The following KDM5A variants were observed in gnomAD, a reference collection of about 807,000 sequenced individuals.
KDM5A encodes the protein lysine-specific demethylase 5A.
In KDM5A, 42 loss-of-function variants were observed where a neutral mutation model predicts 193.5. That is an observed-to-expected ratio of 0.22 (90% CI 0.17 to 0.28). The LOEUF (loss-of-function observed/expected upper bound fraction) is 0.28, where lower values mean the gene tolerates loss of function less well. Ranked by LOEUF, KDM5A falls within the 10% of genes least tolerant of loss-of-function variation. The pLI, the probability that KDM5A is intolerant of heterozygous loss-of-function variation, is 1.00. For missense variants in KDM5A, 1,692 were observed against 2,055.1 expected (o/e 0.82, Z 3.42); for synonymous variants, 796 against 718.1 (o/e 1.11, Z -1.73).
rs769621706 is a variant in KDM5A, at chr12:295,632, A to G, written c.4396T>C (p.Trp1466Arg). The change falls in exon 26 of 28, where the codon TGG (tryptophan) becomes CGG (arginine). Residue 1466 changes from tryptophan (W) to arginine (R), a missense_variant. Physicochemically the swap from Trp to Arg is moderately radical, Grantham distance 101. This residue lies in a region of KDM5A where 965 missense variants were observed against 1,061.0 expected (regional missense o/e 0.91). Coordinates refer to ENST00000399788, the MANE Select transcript of KDM5A (RefSeq NM_001042603.3). ...GGGTGTGTGGCCTGCAAAATCCGCCATATGTGTTGAGTCTCGTCCAGAGAT... is the reference window on the plus strand; with the variant it reads ...GGGTGTGTGGCCTGCAAAATCCGCCGTATGTGTTGAGTCTCGTCCAGAGAT... ...EVSLDETQHIWRILQATHPPS... is the reference protein window; with the variant it reads ...EVSLDETQHIRRILQATHPPS... 26 of 1,614,142 alleles carry G rather than the reference A, an allele frequency of 1.6e-5. No individual in the cohort carries two copies. Among genetic ancestry groups the G allele is most frequent in the South Asian group, 2.2e-5 (2 of 91,082 alleles).
intron 5 of KDM5A, among the ~76,000 whole-genome samples, chr12:360,886 G>C (rs766777247): frequency 2.6e-5 from 4 of 152,198 alleles, no homozygotes; most frequent in Non-Finnish European, 2.9e-5. Context: ...AAAGATGCCA[G>C]AAGGGATGGA....
chr12:286,023 G>A (rs1943216394), intron 27 of KDM5A: 2 of 412,602 alleles, frequency 4.8e-6, no homozygotes, highest in Non-Finnish European at 9.3e-6. Context: ...CTAAGACAAT[G>A]CAATTATCAA....
chr12:359,433 G>A (rs1425483559), intron 5 of KDM5A, among the ~76,000 whole-genome samples: 1 of 152,144 alleles, frequency 6.6e-6, no homozygotes, highest in Non-Finnish European at 1.5e-5. Context: ...AAGAAATCAA[G>A]GAGTTTGATT....
intron 20 of KDM5A, among the ~76,000 whole-genome samples, chr12:312,627 T>C (rs1369389840): frequency 6.6e-6 from 1 of 152,240 alleles, no homozygotes; most frequent in Non-Finnish European, 1.5e-5. Flanking sequence ...AATTATTTTA[T>C]AGATGCTCCT....
At chr12:372,810 G>A (rs1944447312) in intron 3 of KDM5A, among the ~76,000 whole-genome samples, 1 of 152,154 alleles carries the variant, frequency 6.6e-6, no homozygotes, top group Non-Finnish European at 1.5e-5. Context: ...AAGCATTGTT[G>A]AATTTTGTCA....
intron 15 of KDM5A, 140 bp from the exon 16 acceptor site, chr12:323,346 C>T: frequency 1.8e-6 from 2 of 1,103,596 alleles, no homozygotes; most frequent in Non-Finnish European, 2.6e-6. Flanking sequence ...GATCTTAGTT[C>T]ACATAAAGAG....
intron 22 of KDM5A, among the ~76,000 whole-genome samples, chr12:309,285 C>T (rs898001830): frequency 2.0e-5 from 3 of 152,138 alleles, no homozygotes; most frequent in Admixed American, 6.5e-5. Flanking sequence ...ATAATTATTT[C>T]GTTTTTATTA....
intron 10 of KDM5A, among the ~76,000 whole-genome samples, 179 bp from the exon 11 acceptor site, chr12:334,601 TTC>T (rs1173072858): frequency 6.6e-5 from 10 of 152,196 alleles, no homozygotes; most frequent in Non-Finnish European, 1.3e-4. Flanking sequence ...TAATCCTACC[TTC>T]TGTCTATGTT....
rs772058165 is a variant in KDM5A, at chr12:331,809, T to C, written c.1773+10A>G. On this transcript the variant is annotated intron_variant, in intron 13 of 27. Coordinates refer to ENST00000399788, the MANE Select transcript of KDM5A (RefSeq NM_001042603.3). The stretch of plus-strand genomic sequence containing the variant: ...GTAGACGTACAACAGCCACTTGCTA[T>C]AGAACAGACCCAGTCAGCAGTACAG... 3 of 1,613,890 alleles carry C rather than the reference T, an allele frequency of 1.9e-6. No individual in the cohort carries two copies. Among genetic ancestry groups the C allele is most frequent in the South Asian group, 1.1e-5 (1 of 91,082 alleles).
chr12:352,337 A>T lies in KDM5A; in HGVS notation c.1030-13T>A, dbSNP rs1176385001. On this transcript the variant is annotated splice_polypyrimidine_tract_variant and intron_variant, in intron 8 of 27. Coordinates refer to ENST00000399788, the MANE Select transcript of KDM5A (RefSeq NM_001042603.3). ...GTTTGCTACATTCCTGGAAAGAAAA[A>T]ATATGTAAGATTAACTTACTGAAAC... is the stretch of plus-strand genomic sequence containing the variant. 1 of 1,611,754 alleles carries T rather than the reference A, an allele frequency of 6.2e-7. No homozygotes were observed.
intron 1 of KDM5A, chr12:388,238 A>G (rs1289446747): frequency 2.2e-6 from 1 of 455,038 alleles, no homozygotes; most frequent in South Asian, 1.6e-5. Context: ...CTTACCTCAA[A>G]GGTGAGATTA....
intron 24 of KDM5A, among the ~76,000 whole-genome samples, chr12:306,404 A>G (rs1366798894): frequency 1.3e-5 from 2 of 152,236 alleles, no homozygotes; most frequent in African/African-American, 2.4e-5. Context: ...ATAAGGGATT[A>G]TAAGATGAGT....
chr12:385,875 G>A (rs1400382595), intron 2 of KDM5A, 22 bp downstream of exon 2: 2 of 1,594,938 alleles, frequency 1.3e-6, no homozygotes, highest in Admixed American at 1.7e-5. Flanking sequence ...TCAGGAAGCA[G>A]AAATAGTGAC....
In KDM5A at chr12:307,226, A is replaced by AATT; in HGVS notation, c.3931-140_3931-138dup. 8.9e-7 allele frequency: 1 copy of AATT among 1,120,152 alleles called. No individual in the cohort carries two copies. The highest frequency in any genetic ancestry group is 1.3e-5 in the South Asian group (1 of 76,202). 69.4% of individuals were successfully genotyped at this position (1,120,152 alleles called of 1,614,324 possible). On this transcript the variant is annotated intron_variant, in intron 23 of 27. Transcript: ENST00000399788. This position sits in a 1 kb window ranked among gnomAD's most constrained non-coding sequence, Gnocchi z 4.3. ...GTTCTTCAACAGTTAGTAGAAATCA[A>AATT]ATTATTTGATTATGATGCCAAAGTC...
At chr12:311,826 G>A (rs1249063434) in intron 20 of KDM5A, among the ~76,000 whole-genome samples, 1 of 152,142 alleles carries the variant, frequency 6.6e-6, no homozygotes, top group Non-Finnish European at 1.5e-5. Context: ...CTGAGGTGAG[G>A]ACTTCAAGAC....
At chr12:299,573 G>C (rs1310148286) in intron 24 of KDM5A, among the ~76,000 whole-genome samples, 1 of 152,062 alleles carries the variant, frequency 6.6e-6, no homozygotes, top group African/African-American at 2.4e-5. Context: ...GGAACAATCG[G>C]TACCAGTCAC....
chr12:312,933 A>G, intron 20 of KDM5A, 123 bp downstream of exon 20: 1 of 1,131,312 alleles, frequency 8.8e-7, no homozygotes, highest in South Asian at 1.3e-5. Context: ...AAAATCACAA[A>G]TCGATCTAAG....
At chr12:335,295 A>G (rs1327579386) in intron 10 of KDM5A, among the ~76,000 whole-genome samples, 1 of 152,254 alleles carries the variant, frequency 6.6e-6, no homozygotes, top group Non-Finnish European at 1.5e-5. Context: ...ATATGAGGCT[A>G]TGACTTAAAG....
intron 10 of KDM5A, among the ~76,000 whole-genome samples, chr12:343,055 G>A (rs375562046): frequency 9.9e-5 from 15 of 152,276 alleles, no homozygotes; most frequent in African/African-American, 3.1e-4. Context: ...CTGGAAAAAC[G>A]AGGCACTCCC....
Sources: allele counts gnomAD v4.1 joint callset (sites outside exome capture counted in the v4.1 genomes callset), GRCh38; gene constraint gnomAD v4.1.1; regional missense constraint gnomAD v4.1.1; non-coding constraint Gnocchi (gnomAD v3.1); transcripts MANE v1.5; gene names NCBI Gene and HGNC (gene_info 2026-07-23, HGNC 2026-07-21).